Variants in PEDS1 observed in about 807,000 individuals in gnomAD.
The protein encoded by PEDS1 is CarF homolog.
Under a neutral mutation model 35.2 loss-of-function variants are expected in PEDS1, and 14 were observed. The observed-to-expected ratio is 0.40, with a 90% CI of 0.26 to 0.62. The LOEUF is 0.62. Ranked by LOEUF, PEDS1 falls within the 20% of genes least tolerant of loss-of-function variation. The pLI is 0.44. For missense variants in PEDS1, 260 were observed against 367.8 expected, an observed-to-expected ratio of 0.71 and a Z score of 2.40; for synonymous variants, 152 against 152.0, an observed-to-expected ratio of 1.00 and a Z score of 0.00.
At chr20:50,125,267 G>A (rs536313566) in intron 5 of PEDS1, 88 bp from the exon 6 acceptor site, 26 of 1,517,916 alleles carry the variant, frequency 1.7e-5, no homozygotes, top group African/African-American at 6.9e-5. Context: ...GGGCTGGAGG[G>A]GCCCAATGAG....
chr20:50,133,651 C>G (rs559014995), intron 2 of PEDS1, among the ~76,000 whole-genome samples: 141 of 152,344 alleles, frequency 9.3e-4, no homozygotes, highest in African/African-American at 3.3e-3. Context: ...CCCACCCCCA[C>G]TCCAGATCCC....
chr20:50,138,030 T>A (rs1376171496), intron 2 of PEDS1, among the ~76,000 whole-genome samples: 2 of 152,184 alleles, frequency 1.3e-5, no homozygotes, highest in Non-Finnish European at 2.9e-5. Context: ...TGATAATGTA[T>A]CAACACTGGC....
chr20:50,137,731 C>A (rs1483071578), intron 2 of PEDS1, among the ~76,000 whole-genome samples: 1 of 152,174 alleles, frequency 6.6e-6, no homozygotes, highest in Non-Finnish European at 1.5e-5. Flanking sequence ...ATTAGCCGGG[C>A]GTGCTGGCGC....
At chr20:50,152,744 G>A (rs1464315001) in intron 1 of PEDS1, among the ~76,000 whole-genome samples, 3 of 152,084 alleles carry the variant, frequency 2.0e-5, no homozygotes, top group Non-Finnish European at 2.9e-5. Flanking sequence ...GTGAGGGAGG[G>A]GCAAGAGCTA....
intron 1 of PEDS1, among the ~76,000 whole-genome samples, chr20:50,147,729 G>A (rs939348350): frequency 6.6e-6 from 1 of 152,158 alleles, no homozygotes; most frequent in Non-Finnish European, 1.5e-5. Flanking sequence ...TCCTTCTGCA[G>A]ACCAAATACC....
At chr20:50,125,311 G>C (rs1035636209) in intron 5 of PEDS1, 132 bp from the exon 6 acceptor site, 38 of 1,258,416 alleles carry the variant, frequency 3.0e-5, no homozygotes, top group Non-Finnish European at 3.8e-5. Flanking sequence ...CACAGGGACC[G>C]GCCAAGGAAC....
At chr20:50,127,651 A>G (rs577196542) in intron 5 of PEDS1, among the ~76,000 whole-genome samples, 2 of 152,276 alleles carry the variant, frequency 1.3e-5, no homozygotes, top group East Asian at 3.9e-4. Context: ...CAGCTGATTC[A>G]TGCTATTTTG....
chr20:50,123,168 C>T lies in PEDS1; in HGVS notation c.*1890G>A, dbSNP rs537308190. ...CCTCAGCCTATGAGTCTCTGTATACCAAATCCATGTTTTCCCAACCTTGTC... is the reference window on the plus strand; with the variant it reads ...CCTCAGCCTATGAGTCTCTGTATACTAAATCCATGTTTTCCCAACCTTGTC... On this transcript the variant is annotated 3_prime_UTR_variant, in exon 6 of 6. Transcript: ENST00000371652. 6.6e-6 allele frequency: 1 copy of T among 152,302 alleles called. No individual in the cohort carries two copies. Among genetic ancestry groups the T allele is most frequent in the Admixed American group, 6.5e-5 (1 of 15,282 alleles). 9.4% of individuals were successfully genotyped at this position (152,302 alleles called of 1,614,324 possible).
rs1036314720 is a variant in PEDS1, at chr20:50,131,220, T to C, written c.242-273A>G. ...TGCTCAGATCAGCTCAACCTTTCCC[T>C]ATTAGGAGCAGGCTGTGCCCTTCTC... On this transcript the variant is annotated intron_variant, in intron 2 of 5. Transcript: ENST00000371652. 8 of 702,796 alleles carry C rather than the reference T, an allele frequency of 1.1e-5. No homozygotes were observed. In the East Asian group the frequency reaches 2.2e-4, roughly 19 times the overall value. 43.5% of individuals were successfully genotyped at this position (702,796 alleles called of 1,614,324 possible). A position where few individuals can be genotyped will look rare whatever the true frequency, so the allele number is the denominator to read the frequency against.
chr20:50,137,623 A>G (rs1292859109), intron 2 of PEDS1, among the ~76,000 whole-genome samples: 1 of 152,188 alleles, frequency 6.6e-6, no homozygotes, highest in Non-Finnish European at 1.5e-5. Context: ...CTATAATCCC[A>G]GCACTTTAGA....
At chr20:50,127,881 G>C in intron 5 of PEDS1, 94 bp downstream of exon 5, 1 of 1,500,468 alleles carries the variant, frequency 6.7e-7, no homozygotes, top group East Asian at 2.4e-5. Flanking sequence ...CAAGGACTGT[G>C]TGACCTCCTG....
chr20:50,130,551 A>C (rs2081167190), intron 3 of PEDS1, among the ~76,000 whole-genome samples: 2 of 152,232 alleles, frequency 1.3e-5, no homozygotes, highest in South Asian at 4.1e-4. Flanking sequence ...ATACAGGATA[A>C]AATGCAGTTA....
intron 3 of PEDS1, among the ~76,000 whole-genome samples, chr20:50,130,422 C>T (rs938429462): frequency 6.6e-6 from 1 of 152,144 alleles, no homozygotes; most frequent in Non-Finnish European, 1.5e-5. Flanking sequence ...TCTGTCGGTC[C>T]TACTGGATGC....
chr20:50,148,270 G>A (rs2081366821), intron 1 of PEDS1, among the ~76,000 whole-genome samples: 1 of 152,220 alleles, frequency 6.6e-6, no homozygotes. Context: ...AAAGTCACTT[G>A]AGGGTCACCA....
At chr20:50,147,713 G>T (rs376154635) in intron 1 of PEDS1, among the ~76,000 whole-genome samples, 13 of 152,312 alleles carry the variant, frequency 8.5e-5, no homozygotes, top group African/African-American at 3.1e-4. Context: ...GCCTCTGGAA[G>T]CTGGATCCTT....
At chr20:50,146,664 C>T (rs2081348322) in intron 1 of PEDS1, among the ~76,000 whole-genome samples, 1 of 152,174 alleles carries the variant, frequency 6.6e-6, no homozygotes, top group Non-Finnish European at 1.5e-5. Context: ...TCCCCTGCCC[C>T]TTGAAAAGAC....
chr20:50,145,122 A>T (rs2081332639), intron 1 of PEDS1, among the ~76,000 whole-genome samples: 1 of 152,062 alleles, frequency 6.6e-6, no homozygotes, highest in African/African-American at 2.4e-5. Flanking sequence ...GAATCACTTG[A>T]ATCTGGGAGG....
intron 2 of PEDS1, chr20:50,131,218 C>T: frequency 2.8e-6 from 2 of 712,538 alleles, no homozygotes; most frequent in Non-Finnish European, 4.8e-6. Flanking sequence ...TCAACCTTTC[C>T]CTATTAGGAG....
At chr20:50,149,621 G>T (rs2081381672) in intron 1 of PEDS1, among the ~76,000 whole-genome samples, 1 of 152,144 alleles carries the variant, frequency 6.6e-6, no homozygotes, top group South Asian at 2.1e-4. Flanking sequence ...TGCGAAATCA[G>T]GCTGTGGCCG....
Sources: allele counts gnomAD v4.1 joint callset (sites outside exome capture counted in the v4.1 genomes callset), GRCh38; gene constraint gnomAD v4.1.1; transcripts MANE v1.5; gene names NCBI Gene and HGNC (gene_info 2026-07-23, HGNC 2026-07-21).